KLHL32: variants seen among roughly 807,000 people sequenced by gnomAD.
The protein encoded by KLHL32 is kelch-like protein 32.
KLHL32 carries 35 observed loss-of-function variants against 64.8 expected under a neutral mutation model. That is an observed-to-expected ratio of 0.54 (90% CI 0.41 to 0.72). KLHL32 has a LOEUF of 0.72. Ranked by LOEUF, KLHL32 falls within the 30% of genes least tolerant of loss-of-function variation. The pLI is 0.00. For synonymous variants in KLHL32, 259 were observed against 281.0 expected (o/e 0.92, Z 0.78); for missense variants, 589 against 768.5 (o/e 0.77, Z 2.76).
chr6:96,911,953 C>G, the KLHL32 span, among the ~76,000 whole-genome samples: 2 of 148,284 alleles, frequency 1.3e-5, no homozygotes, highest in African/African-American at 2.5e-5. Context: ...TCTGAGTAAT[C>G]TCTTCCTGTT....
intron 3 of KLHL32, among the ~76,000 whole-genome samples, chr6:96,977,669 A>G (rs1775858938): frequency 6.6e-6 from 1 of 152,222 alleles, no homozygotes; most frequent in Non-Finnish European, 1.5e-5. Context: ...TTCTAATAAT[A>G]CTGTTGGTTT....
intron 2 of KLHL32, among the ~76,000 whole-genome samples, chr6:96,974,045 G>A (rs1013285628): frequency 6.6e-6 from 1 of 151,662 alleles, no homozygotes; most frequent in African/African-American, 2.4e-5. Flanking sequence ...TTTCCTTTAA[G>A]CAGGAGGAGG....
At chr6:96,943,872 T>TTGGA (rs1771631339) in intron 1 of KLHL32, among the ~76,000 whole-genome samples, 1 of 152,202 alleles carries the variant, frequency 6.6e-6, no homozygotes, top group South Asian at 2.1e-4. Context: ...AAAAGAAGGT[T>TTGGA]GTTGGAGGTA....
At chr6:96,929,402 C>T (rs1019985275) in intron 1 of KLHL32, among the ~76,000 whole-genome samples, 1 of 152,200 alleles carries the variant, frequency 6.6e-6, no homozygotes, top group Non-Finnish European at 1.5e-5. Flanking sequence ...ATAGATGTGG[C>T]TATGTCTCTG....
At chr6:97,132,782 A>C in intron 10 of KLHL32, 35 bp downstream of exon 10, 1 of 1,475,080 alleles carries the variant, frequency 6.8e-7, no homozygotes, top group Non-Finnish European at 9.4e-7. Flanking sequence ...AGTTTGTTCA[A>C]GTGGTTCAGC....
intron 6 of KLHL32, among the ~76,000 whole-genome samples, chr6:97,085,663 A>G (rs1366174900): frequency 6.6e-6 from 1 of 152,216 alleles, no homozygotes. Flanking sequence ...TAAACAAAAT[A>G]TGACAAAAAA....
At chr6:96,937,647 A>T (rs114411684) in intron 1 of KLHL32, among the ~76,000 whole-genome samples, 3,156 of 152,220 alleles carry the variant, frequency 0.021, 115 homozygotes, top group African/African-American at 0.073. Flanking sequence ...CATGGAATCA[A>T]TGTGTACTCC....
chr6:96,924,887 G>T lies in KLHL32; in HGVS notation c.-205G>T, dbSNP rs1326094366. The T allele has an allele frequency of 6.6e-6, 1 of 152,220 alleles. No individual in the cohort carries two copies. The highest frequency in any genetic ancestry group is 1.5e-5 in the Non-Finnish European group (1 of 68,212). 9.4% of individuals were successfully genotyped at this position (152,220 alleles called of 1,614,324 possible). A position where few individuals can be genotyped will look rare whatever the true frequency, so the allele number is the denominator to read the frequency against. ...CGCTCGTCTTCGCTACTGCATCCCC[G>T]AACCAGCAGAGCGAAGCTACTGCGG... On this transcript the variant is annotated 5_prime_UTR_variant, in exon 1 of 11. Coordinates refer to ENST00000369261, the MANE Select transcript of KLHL32 (RefSeq NM_052904.4).
At chr6:97,069,370 A>G (rs1790335319) in intron 5 of KLHL32, among the ~76,000 whole-genome samples, 2 of 149,574 alleles carry the variant, frequency 1.3e-5, no homozygotes, top group Non-Finnish European at 1.5e-5. Context: ...CTCACTAGGG[A>G]GTTAAGGAGA....
chr6:96,947,186 T>C (rs1452147053), intron 1 of KLHL32, among the ~76,000 whole-genome samples: 2 of 152,260 alleles, frequency 1.3e-5, no homozygotes, highest in East Asian at 1.9e-4. Context: ...CTGGGGACTT[T>C]CCACCAATCA....
At chr6:97,110,571 G>T (rs575105463) in intron 6 of KLHL32, among the ~76,000 whole-genome samples, 130 of 152,324 alleles carry the variant, frequency 8.5e-4, no homozygotes, top group African/African-American at 3.0e-3. Flanking sequence ...TGAAAACCCA[G>T]TTTGTGTTTG....
At chr6:96,913,569 C>T in the KLHL32 span, among the ~76,000 whole-genome samples, 43,267 of 152,038 alleles carry the variant, frequency 0.28, 6,334 homozygotes, top group East Asian at 0.45. Context: ...TTTTTGCAAG[C>T]GGTGCAAGCA....
At chr6:96,961,830 T>C (rs928587635) in intron 1 of KLHL32, among the ~76,000 whole-genome samples, 2 of 152,138 alleles carry the variant, frequency 1.3e-5, no homozygotes, top group African/African-American at 4.8e-5. Context: ...CTCTCTGATA[T>C]CAAAAAGGTC....
At chr6:96,991,161 T>TGCAAGGGCA (rs1221980489) in intron 3 of KLHL32, among the ~76,000 whole-genome samples, 2 of 151,998 alleles carry the variant, frequency 1.3e-5, no homozygotes, top group African/African-American at 2.4e-5. Flanking sequence ...CCTTCCCCAA[T>TGCAAGGGCA]GCAAGGGCAG....
chr6:97,082,996 C>T (rs989998673), intron 5 of KLHL32, among the ~76,000 whole-genome samples: 2 of 152,168 alleles, frequency 1.3e-5, no homozygotes, highest in Non-Finnish European at 1.5e-5. Context: ...TGCTCTCCCC[C>T]GCAACCTACT....
chr6:96,998,443 A>G (rs559261996), intron 3 of KLHL32, among the ~76,000 whole-genome samples: 12 of 152,366 alleles, frequency 7.9e-5, no homozygotes, highest in African/African-American at 2.9e-4. Flanking sequence ...ATTAATAAAA[A>G]TAATAGTAAA....
intron 4 of KLHL32, among the ~76,000 whole-genome samples, chr6:97,061,316 T>C (rs546412357): frequency 6.6e-6 from 1 of 152,294 alleles, no homozygotes; most frequent in East Asian, 1.9e-4. Context: ...TGGCTTCTTT[T>C]AGGGTTTCCT....
rs1782006959 is a variant in KLHL32 at position 97,021,693 on chromosome 6, G to A, written c.205-19799G>A. On this transcript the variant is annotated intron_variant, in intron 3 of 10. Transcript: ENST00000369261. ...CATGAAATTAACCACCAGAGATGAT[G>A]ACTGACAAATTTATATTTCCGAATT... 2.0e-5 allele frequency among the ~76,000 whole-genome samples: 3 copies of A among 150,820 alleles called. 1 individual carries two copies. The highest frequency in any genetic ancestry group is 7.5e-5 in the African/African-American group (3 of 40,152).
At chr6:97,009,414 G>A (rs1408415921) in intron 3 of KLHL32, among the ~76,000 whole-genome samples, 27 of 151,794 alleles carry the variant, frequency 1.8e-4, no homozygotes, top group Non-Finnish European at 1.5e-5. Context: ...TGGCTCTCTG[G>A]GCACCTAAAA....
Sources: gnomAD v4.1 joint callset for allele counts (sites outside exome capture counted in the v4.1 genomes callset) on GRCh38, gnomAD v4.1.1 for gene constraint, MANE v1.5 for transcripts, NCBI Gene and HGNC (gene_info 2026-07-23, HGNC 2026-07-21) for gene names.